Variants in PRAG1 observed in about 807,000 individuals in gnomAD.
PRAG1 encodes PEAK1 related, kinase-activating pseudokinase 1.
Under a neutral mutation model 95.6 loss-of-function variants are expected in PRAG1, and 110 were observed. The ratio of observed to expected loss-of-function variants is 1.15; its 90% CI spans 0.99 to 1.35. The LOEUF (loss-of-function observed/expected upper bound fraction) is 1.35. Ranked by LOEUF, PRAG1 falls within the 40% of genes most tolerant of loss-of-function variation. PRAG1 has a pLI of 0.00. For missense variants in PRAG1, 2,554 were observed against 1,864.7 expected (o/e 1.37, Z -6.81); for synonymous variants, 1,052 against 819.4 (o/e 1.28, Z -4.85).
chr8:8,328,914 C>T (rs917660570), intron 4 of PRAG1, among the ~76,000 whole-genome samples: 1 of 152,216 alleles, frequency 6.6e-6, no homozygotes, highest in African/African-American at 2.4e-5. Flanking sequence ...TTTAAACAGT[C>T]TCACCATAAT....
intron 5 of PRAG1, among the ~76,000 whole-genome samples, chr8:8,323,508 T>A (rs1038406879): frequency 6.6e-6 from 1 of 152,182 alleles, no homozygotes; most frequent in South Asian, 2.1e-4. Flanking sequence ...CATTTTTTAG[T>A]AGAGATGAAG....
chr8:8,319,035 C>G lies in PRAG1; in HGVS notation c.3340G>C (p.Glu1114Gln). 1 of 1,613,264 alleles carries G rather than the reference C, an allele frequency of 6.2e-7. No individual in the cohort carries two copies. Among genetic ancestry groups the G allele is most frequent in the Non-Finnish European group, 8.5e-7 (1 of 1,179,818 alleles). The change falls in exon 6 of 6, where the codon GAG (glutamate) becomes CAG (glutamine). Residue 1114 changes from glutamate (E) to glutamine (Q), a missense_variant. Glu to Gln is a conservative substitution (Grantham distance 29, BLOSUM62 2). Coordinates refer to ENST00000615670, the MANE Select transcript of PRAG1 (RefSeq NM_001080826.3). ...ACGCGCCGCTCGTACGCCTCGGGCT[C>G]CGCCTGGTGGCTGGCCGCCGAGTCC... The part of the protein sequence containing the change: ...VRDSAASHQA[E>Q]PEAYERRVCF...
In PRAG1 at chr8:8,339,513, C is replaced by T. The variant is rs754401952; in HGVS notation, c.2285G>A (p.Ser762Asn). ...GCAGGTCCTAGAGTCTGAGGCCAGGCTGTCCGTGGAGCCGGTGGTGAAGCT... is the reference window on the plus strand; with the variant it reads ...GCAGGTCCTAGAGTCTGAGGCCAGGTTGTCCGTGGAGCCGGTGGTGAAGCT... The part of the protein sequence containing the change: ...HVSFTTGSTD[S>N]LASDSRTCSD... Residue 762 changes from serine (S) to asparagine (N), a missense_variant, in exon 4 of 6, where the codon AGC becomes AAC. Coordinates refer to ENST00000615670, the MANE Select transcript of PRAG1 (RefSeq NM_001080826.3). The T allele has an allele frequency of 1.2e-6, 2 of 1,614,174 alleles. No individual in the cohort carries two copies. Among genetic ancestry groups the T allele is most frequent in the Non-Finnish European group, 1.7e-6 (2 of 1,180,036 alleles).
At chr8:8,369,702 T>A (rs909063600) in intron 3 of PRAG1, among the ~76,000 whole-genome samples, 1 of 147,210 alleles carries the variant, frequency 6.8e-6, no homozygotes, top group African/African-American at 2.7e-5. Flanking sequence ...AATAAACTTT[T>A]TTTTTTTTTT....
At chr8:8,344,184 T>A (rs910819097) in intron 3 of PRAG1, among the ~76,000 whole-genome samples, 1 of 152,178 alleles carries the variant, frequency 6.6e-6, no homozygotes, top group African/African-American at 2.4e-5. Flanking sequence ...TGGAGAAAGG[T>A]GTTCACAACG....
At position 8,376,510 on chromosome 8, in the gene PRAG1, C is replaced by G; in HGVS notation, c.1899G>C (p.Trp633Cys). 6.2e-7 allele frequency: 1 copy of G among 1,610,692 alleles called. No individual in the cohort carries two copies. Among genetic ancestry groups the G allele is most frequent in the Non-Finnish European group, 8.5e-7 (1 of 1,177,684 alleles). The change falls in exon 3 of 6, where the codon TGG becomes TGC. Residue 633 changes from tryptophan (W) to cysteine (C), a missense_variant. Physicochemically the swap from Trp to Cys is radical, Grantham distance 215. Transcript: ENST00000615670. ...CTTCCTCTATCCGGCACTGACGACT[C>G]CAGGTGCCTGCCTGGAACCTGGGCC... ...QRRPRFQAGTWSRQCRIEEEE... is the reference protein window; with the variant it reads ...QRRPRFQAGTCSRQCRIEEEE...
At chr8:8,372,246 C>T (rs1053150008) in intron 3 of PRAG1, among the ~76,000 whole-genome samples, 2 of 152,176 alleles carry the variant, frequency 1.3e-5, no homozygotes, top group African/African-American at 4.8e-5. Context: ...TCTTGAACTC[C>T]TTACCCCAAG....
At chr8:8,368,828 C>A (rs914063058) in intron 3 of PRAG1, among the ~76,000 whole-genome samples, 2 of 150,072 alleles carry the variant, frequency 1.3e-5, no homozygotes, top group African/African-American at 2.5e-5. Context: ...CCTTGTAACT[C>A]TCTGGTGGAA....
intron 1 of PRAG1, among the ~76,000 whole-genome samples, chr8:8,384,375 G>C (rs995294261): frequency 9.2e-5 from 14 of 152,000 alleles, no homozygotes; most frequent in African/African-American, 2.7e-4. Context: ...TGTCTCATCA[G>C]TTTACGAGCA....
chr8:8,381,287 C>T (rs1800634036), intron 2 of PRAG1, 131 bp downstream of exon 2: 1 of 836,172 alleles, frequency 1.2e-6, no homozygotes, highest in Non-Finnish European at 1.8e-6. Flanking sequence ...GGAGCCATCT[C>T]AGGGCAAACT....
At chr8:8,365,066 C>T (rs938176660) in intron 3 of PRAG1, among the ~76,000 whole-genome samples, 2 of 152,114 alleles carry the variant, frequency 1.3e-5, no homozygotes, top group Non-Finnish European at 2.9e-5. Context: ...TATCTCTGTC[C>T]TGGTTTTCTT....
intron 3 of PRAG1, chr8:8,374,506 T>A (rs1383467308): frequency 3.3e-6 from 1 of 306,548 alleles, no homozygotes; most frequent in Non-Finnish European, 4.8e-6. Context: ...ACCCTAGCTT[T>A]CTATCTCTGC....
At chr8:8,367,458 CAAAAAAAAAAAAAAAAA>C (rs1158165514) in intron 3 of PRAG1, among the ~76,000 whole-genome samples, 3 of 26,218 alleles carry the variant, frequency 1.1e-4, no homozygotes, top group African/African-American at 1.6e-4. Flanking sequence ...GACTCCATCT[CAAAAAAAAAAAAAAAAA>C]AAAAAAAAAA....
intron 3 of PRAG1, among the ~76,000 whole-genome samples, chr8:8,361,227 G>T (rs1240576717): frequency 6.6e-6 from 1 of 152,178 alleles, no homozygotes; most frequent in African/African-American, 2.4e-5. Context: ...CTCTTAGTAG[G>T]GGAGGAAAGG....
intron 3 of PRAG1, among the ~76,000 whole-genome samples, chr8:8,372,095 A>C (rs192899842): frequency 9.9e-4 from 151 of 152,292 alleles, no homozygotes; most frequent in African/African-American, 3.4e-3. Context: ...CTTTCAGCTG[A>C]CCTAGTCACC....
chr8:8,376,975 C>T lies in PRAG1; in HGVS notation c.1434G>A (p.Ala478=), dbSNP rs55800591. Residue 478 remains alanine (A), a synonymous_variant, in exon 3 of 6, where the codon GCG becomes GCA. Transcript: ENST00000615670. ...TCCGATGGTCCTCTTCCGGGTGGGC[C>T]GCCATGACTGTGATGGTGGCTGACA... is the stretch of plus-strand genomic sequence containing the variant. ...PQVSATITVM[A]AHPEEDHRTI... 191 of 1,613,424 alleles carry T rather than the reference C, an allele frequency of 1.2e-4. No individual in the cohort carries two copies. The highest frequency in any genetic ancestry group is 1.5e-4 in the Non-Finnish European group (179 of 1,179,928).
chr8:8,370,407 T>C (rs1029782485), intron 3 of PRAG1, among the ~76,000 whole-genome samples: 4 of 152,238 alleles, frequency 2.6e-5, no homozygotes, highest in Non-Finnish European at 5.9e-5. Flanking sequence ...CCTGACCAAC[T>C]TGACCTCCAG....
intron 4 of PRAG1, among the ~76,000 whole-genome samples, chr8:8,335,880 T>C (rs1403598196): frequency 1.3e-5 from 2 of 152,216 alleles, no homozygotes; most frequent in African/African-American, 4.8e-5. Flanking sequence ...TCTAGAATTG[T>C]ACCCAGCACA....
chr8:8,325,018 G>A (rs779256071), intron 5 of PRAG1, among the ~76,000 whole-genome samples: 119 of 152,312 alleles, frequency 7.8e-4, no homozygotes, highest in Non-Finnish European at 9.1e-4. Context: ...CTCCGCGACC[G>A]CAAACGAGGC....
Sources: allele counts gnomAD v4.1 joint callset (sites outside exome capture counted in the v4.1 genomes callset), GRCh38; gene constraint gnomAD v4.1.1; transcripts MANE v1.5; gene names NCBI Gene and HGNC (gene_info 2026-07-23, HGNC 2026-07-21).